LINGO2: variants seen among roughly 807,000 people sequenced by gnomAD.
LINGO2 encodes leucine rich repeat and Ig domain containing 2, also known as leucine-rich repeat and immunoglobulin-like domain-containing nogo receptor-interacting protein 2.
A neutral mutation model predicts 30.6 loss-of-function variants in LINGO2; 14 were observed. The observed-to-expected ratio is 0.46, with a 90% CI of 0.30 to 0.72. The LOEUF (loss-of-function observed/expected upper bound fraction) is 0.72. Ranked by LOEUF, LINGO2 falls within the 30% of genes least tolerant of loss-of-function variation. The probability of loss-of-function intolerance (pLI) is 0.07; values close to 1 mark genes in which losing one functional copy is unlikely to be tolerated. For synonymous variants in LINGO2, 317 were observed against 288.5 expected, an observed-to-expected ratio of 1.10 and a Z score of -1.00; for missense variants, 729 against 751.7, an observed-to-expected ratio of 0.97 and a Z score of 0.35.
chr9:29,127,482 G>A, the LINGO2 span, among the ~76,000 whole-genome samples: 8 of 152,076 alleles, frequency 5.3e-5, no homozygotes, highest in South Asian at 2.1e-4. Context: ...AACTTGGGAC[G>A]CTCAGTGGAC....
intron 3 of LINGO2, among the ~76,000 whole-genome samples, chr9:28,345,203 C>T (rs1304943831): frequency 2.0e-5 from 3 of 152,082 alleles, no homozygotes; most frequent in African/African-American, 7.2e-5. Context: ...CAGGGACACA[C>T]CTCCAGCCAG....
intron 4 of LINGO2, among the ~76,000 whole-genome samples, chr9:28,239,363 T>G (rs887107924): frequency 1.3e-5 from 2 of 152,158 alleles, no homozygotes; most frequent in Non-Finnish European, 2.9e-5. Flanking sequence ...ATAGCTCTGA[T>G]GAATATTGAT....
At chr9:28,964,343 G>T in the LINGO2 span, among the ~76,000 whole-genome samples, 1 of 151,878 alleles carries the variant, frequency 6.6e-6, no homozygotes, top group Non-Finnish European at 1.5e-5. Context: ...TTCCTATAGG[G>T]ATGTGTGAGC....
the LINGO2 span, among the ~76,000 whole-genome samples, chr9:28,727,554 C>T: frequency 1.3e-5 from 2 of 152,142 alleles, no homozygotes; most frequent in Non-Finnish European, 2.9e-5. Context: ...TCTCAAAGTG[C>T]TGGGATTACA....
At chr9:28,233,054 A>AT (rs1564062937) in intron 4 of LINGO2, among the ~76,000 whole-genome samples, 4 of 120,058 alleles carry the variant, frequency 3.3e-5, no homozygotes, top group African/African-American at 1.5e-4. Flanking sequence ...ATATATATAT[A>AT]TATATATTAG....
At chr9:29,058,587 G>A in the LINGO2 span, among the ~76,000 whole-genome samples, 1 of 151,598 alleles carries the variant, frequency 6.6e-6, no homozygotes, top group African/African-American at 2.4e-5. Context: ...AACAATATAA[G>A]CCCACAGATT....
At chr9:27,971,265 T>A (rs1016435314) in intron 5 of LINGO2, among the ~76,000 whole-genome samples, 2 of 152,074 alleles carry the variant, frequency 1.3e-5, no homozygotes, top group African/African-American at 4.8e-5. Flanking sequence ...CTTCTGTTTT[T>A]TTCTTATTAT....
the LINGO2 span, among the ~76,000 whole-genome samples, chr9:28,888,457 C>A: frequency 1.3e-5 from 2 of 152,064 alleles, no homozygotes; most frequent in Non-Finnish European, 2.9e-5. Flanking sequence ...ACAATCTCAA[C>A]ATTTATATAC....
intron 4 of LINGO2, among the ~76,000 whole-genome samples, chr9:28,292,610 C>T (rs537207574): frequency 6.6e-6 from 1 of 151,940 alleles, no homozygotes; most frequent in South Asian, 2.1e-4. Flanking sequence ...TTACAGGTGT[C>T]TGCTACCATG....
At chr9:28,454,621 C>G (rs1468771545) in intron 2 of LINGO2, among the ~76,000 whole-genome samples, 1 of 151,682 alleles carries the variant, frequency 6.6e-6, no homozygotes, top group African/African-American at 2.4e-5. Context: ...ATATTCTGTA[C>G]TGTATAAGTT....
intron 1 of LINGO2, among the ~76,000 whole-genome samples, chr9:28,505,025 T>G (rs900021034): frequency 2.6e-5 from 4 of 151,988 alleles, no homozygotes; most frequent in African/African-American, 9.6e-5. Context: ...AAGAAAATTA[T>G]GTGACTTGGT....
chr9:28,899,774 C>A, the LINGO2 span, among the ~76,000 whole-genome samples: 1 of 152,172 alleles, frequency 6.6e-6, no homozygotes, highest in East Asian at 1.9e-4. Context: ...GATATCATGC[C>A]ATATCCACTG....
At chr9:28,393,198 G>A (rs886496417) in intron 2 of LINGO2, among the ~76,000 whole-genome samples, 9 of 152,334 alleles carry the variant, frequency 5.9e-5, no homozygotes, top group African/African-American at 2.2e-4. Flanking sequence ...TATGTGGGAT[G>A]TATTCTATGC....
At chr9:28,832,008 G>C in the LINGO2 span, among the ~76,000 whole-genome samples, 1 of 152,074 alleles carries the variant, frequency 6.6e-6, no homozygotes, top group South Asian at 2.1e-4. Flanking sequence ...GGTCTTTTAC[G>C]ACATATTTTT....
the LINGO2 span, among the ~76,000 whole-genome samples, chr9:28,702,390 T>A: frequency 6.6e-6 from 1 of 151,840 alleles, no homozygotes; most frequent in Non-Finnish European, 1.5e-5. Context: ...ATCAAGTGGT[T>A]TTTCTGCTTT....
chr9:28,641,039 C>T (rs1240794174), intron 1 of LINGO2, among the ~76,000 whole-genome samples: 1 of 151,920 alleles, frequency 6.6e-6, no homozygotes, highest in Non-Finnish European at 1.5e-5. Flanking sequence ...AGTTTTCCTT[C>T]CAAATTTTTG....
At position 28,575,167 on chromosome 9, in the gene LINGO2, G is replaced by C. The variant is rs548901348; in HGVS notation, c.-365+95033C>G. Among the ~76,000 whole-genome samples, 111 of 152,144 alleles carry C rather than the reference G, an allele frequency of 7.3e-4. 1 individual carries two copies. Among genetic ancestry groups the C allele is most frequent in the African/African-American group, 2.5e-3 (104 of 41,532 alleles). On this transcript the variant is annotated intron_variant, in intron 1 of 5. Transcript: ENST00000379992. ...GCCTGTAATCCCAGCACTTTGGGAG[G>C]CCGAGGCAGGTGGATCATGAGGTCA... is the stretch of plus-strand genomic sequence containing the variant.
At chr9:28,837,602 G>A in the LINGO2 span, among the ~76,000 whole-genome samples, 12 of 143,304 alleles carry the variant, frequency 8.4e-5, no homozygotes, top group Non-Finnish European at 1.7e-4. Context: ...AGCCAAGATC[G>A]CGCCATTGCA....
At chr9:28,096,315 A>T (rs573308384) in intron 4 of LINGO2, among the ~76,000 whole-genome samples, 2 of 152,314 alleles carry the variant, frequency 1.3e-5, no homozygotes, top group East Asian at 3.9e-4. Flanking sequence ...TTAATAATGC[A>T]TTAGACACAT....
Sources: allele counts gnomAD v4.1 joint callset (sites outside exome capture counted in the v4.1 genomes callset), GRCh38; gene constraint gnomAD v4.1.1; transcripts MANE v1.5; gene names NCBI Gene and HGNC (gene_info 2026-07-23, HGNC 2026-07-21).